The following TBC1D14 variants were observed in gnomAD, a reference collection of about 807,000 sequenced individuals.
The protein encoded by TBC1D14 is TBC1 domain family member 14.
TBC1D14 carries 26 observed loss-of-function variants against 79.0 expected under a neutral mutation model. The observed-to-expected ratio is 0.33, with a 90% CI of 0.24 to 0.46. The LOEUF is 0.46. Ranked by LOEUF, TBC1D14 falls within the 20% of genes least tolerant of loss-of-function variation. The pLI is 1.00. For missense variants in TBC1D14, 769 were observed against 887.6 expected, an observed-to-expected ratio of 0.87 and a Z score of 1.70; for synonymous variants, 394 against 349.9, an observed-to-expected ratio of 1.13 and a Z score of -1.40.
chr4:6,969,605 A>G (rs1410317756), intron 3 of TBC1D14, among the ~76,000 whole-genome samples: 1 of 151,866 alleles, frequency 6.6e-6, no homozygotes. Context: ...CGGGGTTTCA[A>G]CATGTTAGCC....
intron 2 of TBC1D14, among the ~76,000 whole-genome samples, chr4:6,958,234 A>G (rs528173963): frequency 2.0e-5 from 3 of 151,382 alleles, no homozygotes; most frequent in African/African-American, 7.3e-5. Context: ...CGGAGTCTGC[A>G]GTTGCCTGGC....
intron 2 of TBC1D14, among the ~76,000 whole-genome samples, chr4:6,944,321 AT>A (rs141173309): frequency 0.022 from 3,416 of 152,228 alleles, 64 homozygotes; most frequent in Non-Finnish European, 0.032. Flanking sequence ...TCTTTGTAGG[AT>A]TTCATCCTGT....
chr4:6,917,769 C>T (rs1328406389), intron 1 of TBC1D14, among the ~76,000 whole-genome samples: 10 of 152,130 alleles, frequency 6.6e-5, no homozygotes, highest in East Asian at 1.9e-4. Flanking sequence ...GTCCAGAGTC[C>T]ACCCATTAGC....
chr4:6,987,675 A>G (rs1344477228), intron 3 of TBC1D14: 5 of 317,410 alleles, frequency 1.6e-5, no homozygotes, highest in African/African-American at 2.1e-5. Flanking sequence ...CCCTGTTTTC[A>G]GAGCCGGGCC....
intron 3 of TBC1D14, among the ~76,000 whole-genome samples, chr4:6,987,972 A>G (rs927451249): frequency 2.6e-5 from 4 of 152,152 alleles, no homozygotes; most frequent in Admixed American, 2.0e-4. Flanking sequence ...CCAGGAGGGG[A>G]CTGCAGCTTG....
chr4:6,954,471 C>A, intron 2 of TBC1D14: 1 of 696,390 alleles, frequency 1.4e-6, no homozygotes, highest in Non-Finnish European at 2.7e-6. Flanking sequence ...CTGTGGGTCT[C>A]CCCCGGTGTG....
chr4:7,027,658 AATC>A (rs1722564072), intron 13 of TBC1D14, among the ~76,000 whole-genome samples: 1 of 82,364 alleles, frequency 1.2e-5, no homozygotes, highest in Admixed American at 1.3e-4. Context: ...ACACCCCCAC[AATC>A]ACCCCACACA....
At chr4:6,950,657 A>G (rs1232359668) in intron 2 of TBC1D14, among the ~76,000 whole-genome samples, 1 of 152,126 alleles carries the variant, frequency 6.6e-6, no homozygotes, top group Non-Finnish European at 1.5e-5. Flanking sequence ...ATTTTATTAA[A>G]TGCTTTTTTC....
chr4:7,016,390 C>T (rs948702429), intron 12 of TBC1D14, among the ~76,000 whole-genome samples: 4 of 152,238 alleles, frequency 2.6e-5, no homozygotes, highest in Non-Finnish European at 5.9e-5. Flanking sequence ...AGCTCCTGCA[C>T]AGGCTGCCCC....
intron 1 of TBC1D14, among the ~76,000 whole-genome samples, chr4:6,922,163 C>T (rs910366605): frequency 2.6e-5 from 4 of 152,172 alleles, no homozygotes; most frequent in Non-Finnish European, 1.5e-5. Flanking sequence ...AAGTGATCCT[C>T]CCACCTCAGT....
chr4:6,951,730 G>A (rs1283505660), intron 2 of TBC1D14, among the ~76,000 whole-genome samples: 1 of 152,222 alleles, frequency 6.6e-6, no homozygotes, highest in African/African-American at 2.4e-5. Context: ...AATGGTGGAG[G>A]AGAGGGCTAG....
At chr4:6,960,461 C>T (rs1483246006) in intron 2 of TBC1D14, among the ~76,000 whole-genome samples, 1 of 151,966 alleles carries the variant, frequency 6.6e-6, no homozygotes, top group African/African-American at 2.4e-5. Context: ...TTGTGTTCTT[C>T]CAGAGAGTCT....
chr4:7,023,083 A>G (rs182059394), intron 12 of TBC1D14, among the ~76,000 whole-genome samples: 1 of 152,188 alleles, frequency 6.6e-6, no homozygotes, highest in East Asian at 1.9e-4. Flanking sequence ...GTGAAACCCC[A>G]TCTTTACTAA....
intron 5 of TBC1D14, 35 bp from the exon 6 acceptor site, chr4:6,999,048 TTA>T (rs1363760804): frequency 6.3e-7 from 1 of 1,595,490 alleles, no homozygotes; most frequent in Non-Finnish European, 8.6e-7. Context: ...TCCATATCAG[TTA>T]GTAGATTGTT....
chr4:6,916,632 T>C (rs1723422092), intron 1 of TBC1D14, among the ~76,000 whole-genome samples: 1 of 152,212 alleles, frequency 6.6e-6, no homozygotes, highest in African/African-American at 2.4e-5. Flanking sequence ...TCTGGTGGCG[T>C]GACAGTTGAT....
chr4:6,959,197 A>G (rs1312521235), intron 2 of TBC1D14, among the ~76,000 whole-genome samples: 2 of 152,154 alleles, frequency 1.3e-5, no homozygotes, highest in African/African-American at 4.8e-5. Flanking sequence ...GGATGGTAGC[A>G]TTATTAACTC....
intron 3 of TBC1D14, among the ~76,000 whole-genome samples, chr4:6,991,278 G>A (rs1344403472): frequency 1.3e-5 from 2 of 152,210 alleles, no homozygotes; most frequent in East Asian, 3.9e-4. Flanking sequence ...GACTGAATCT[G>A]AATGATGGAT....
intron 2 of TBC1D14, among the ~76,000 whole-genome samples, chr4:6,924,915 C>T (rs549468401): frequency 6.6e-6 from 1 of 152,074 alleles, no homozygotes; most frequent in Non-Finnish European, 1.5e-5. Flanking sequence ...GGAGTGGACA[C>T]CTTCGTCACA....
chr4:6,996,009 TG>T (rs1345538756), intron 4 of TBC1D14, among the ~76,000 whole-genome samples: 2 of 151,028 alleles, frequency 1.3e-5, no homozygotes, highest in African/African-American at 4.9e-5. Context: ...GCTAATTTTT[TG>T]TATTTTTTAG....
Sources: gnomAD v4.1 joint callset for allele counts (sites outside exome capture counted in the v4.1 genomes callset) on GRCh38, gnomAD v4.1.1 for gene constraint, MANE v1.5 for transcripts, NCBI Gene and HGNC (gene_info 2026-07-23, HGNC 2026-07-21) for gene names.